The following DLG2 variants were observed in gnomAD, a reference collection of about 807,000 sequenced individuals.
DLG2 encodes the protein disks large homolog 2.
DLG2 carries 45 observed loss-of-function variants against 132.5 expected under a neutral mutation model. That is an observed-to-expected ratio of 0.34 (90% CI 0.27 to 0.44). DLG2 has a LOEUF of 0.44. Ranked by LOEUF, DLG2 falls within the 20% of genes least tolerant of loss-of-function variation. The probability of loss-of-function intolerance (pLI) is 1.00; values close to 1 mark genes in which losing one functional copy is unlikely to be tolerated. For synonymous variants in DLG2, 424 were observed against 419.6 expected (o/e 1.01, Z -0.13); for missense variants, 1,045 against 1,196.9 (o/e 0.87, Z 1.87).
chr11:84,162,178 T>C (rs2095560931), intron 9 of DLG2, among the ~76,000 whole-genome samples: 1 of 152,108 alleles, frequency 6.6e-6, no homozygotes, highest in Admixed American at 6.6e-5. Flanking sequence ...GTGGTATGCG[T>C]TTATCATAGA....
At chr11:84,183,206 G>A (rs75583369) in intron 8 of DLG2, among the ~76,000 whole-genome samples, 1 of 152,110 alleles carries the variant, frequency 6.6e-6, no homozygotes, top group South Asian at 2.1e-4. Flanking sequence ...TTCCAGAAAA[G>A]AGAAGCACAA....
Position 85,278,547 on chromosome 11 carries a change from C to G in DLG2, c.186+6673G>C, listed in dbSNP as rs112067217. Among the ~76,000 whole-genome samples, 650 of 152,052 alleles carry G rather than the reference C, an allele frequency of 4.3e-3. 4 individuals carry two copies. Among genetic ancestry groups the G allele is most frequent in the African/African-American group, 0.015 (619 of 41,490 alleles). ...CCTGGGAGGTGGAGATTGCGGTGAG[C>G]CGAGATGGTTTCATTGCACTCCAGC... is the stretch of plus-strand genomic sequence containing the variant. On this transcript the variant is annotated intron_variant, in intron 4 of 27. Transcript: ENST00000376104.
At chr11:84,339,571 G>T (rs898161086) in intron 7 of DLG2, among the ~76,000 whole-genome samples, 1 of 152,102 alleles carries the variant, frequency 6.6e-6, no homozygotes, top group South Asian at 2.1e-4. Context: ...CAAGTCTTAT[G>T]TCAACATCTC....
At position 85,017,917 on chromosome 11, in the gene DLG2, C is replaced by G. The variant is rs188809409; in HGVS notation, c.357+93744G>C. Among the ~76,000 whole-genome samples the G allele has an allele frequency of 1.3e-4, 19 of 151,804 alleles. No individual in the cohort carries two copies. In the East Asian group the frequency reaches 3.7e-3, roughly 29 times the overall value. ...GAGTGCAAGGCTTTCTCAGTTATCT[C>G]TTAAAGTGAAGAAAAAACCACATAA... On this transcript the variant is annotated intron_variant, in intron 6 of 27. Coordinates refer to ENST00000376104, the MANE Select transcript of DLG2 (RefSeq NM_001142699.3).
intron 3 of DLG2, among the ~76,000 whole-genome samples, chr11:85,481,857 C>A (rs1266076555): frequency 6.6e-6 from 1 of 151,870 alleles, no homozygotes; most frequent in Non-Finnish European, 1.5e-5. Flanking sequence ...CAGTGCCAGA[C>A]CAGCCCCCTG....
chr11:84,878,360 T>C (rs775563785), intron 6 of DLG2, among the ~76,000 whole-genome samples: 4 of 152,116 alleles, frequency 2.6e-5, no homozygotes, highest in Non-Finnish European at 4.4e-5. Context: ...ATATACACCA[T>C]AGAATAGTAT....
chr11:83,836,405 C>T (rs898438435), intron 16 of DLG2, among the ~76,000 whole-genome samples: 1 of 152,126 alleles, frequency 6.6e-6, no homozygotes, highest in African/African-American at 2.4e-5. Flanking sequence ...CAACTGGGGC[C>T]TCTCTCAGCT....
At chr11:84,496,347 C>T (rs1440143779) in intron 7 of DLG2, among the ~76,000 whole-genome samples, 4 of 152,106 alleles carry the variant, frequency 2.6e-5, no homozygotes. Context: ...TGTGTGTTTT[C>T]AGAGAGACAA....
At chr11:83,947,741 T>A (rs2084406640) in intron 14 of DLG2, among the ~76,000 whole-genome samples, 1 of 152,220 alleles carries the variant, frequency 6.6e-6, no homozygotes, top group Admixed American at 6.5e-5. Context: ...AGAAGTTACA[T>A]AACTCATCCA....
intron 6 of DLG2, among the ~76,000 whole-genome samples, chr11:84,596,222 C>A (rs577792221): frequency 6.8e-6 from 1 of 146,224 alleles, no homozygotes; most frequent in African/African-American, 2.5e-5. Flanking sequence ...CTCTCTCTTT[C>A]TCTTGACGGA....
chr11:83,943,996 C>T (rs963548606), intron 14 of DLG2, among the ~76,000 whole-genome samples: 1 of 152,158 alleles, frequency 6.6e-6, no homozygotes, highest in Non-Finnish European at 1.5e-5. Context: ...AATCACCTGC[C>T]ATATGGTACA....
chr11:84,385,254 CAA>C (rs913536220), intron 7 of DLG2, among the ~76,000 whole-genome samples: 12 of 152,048 alleles, frequency 7.9e-5, no homozygotes, highest in African/African-American at 2.9e-4. Context: ...TAAAAAAAAT[CAA>C]AGAGGCATAC....
At chr11:84,542,260 G>C (rs944099944) in intron 6 of DLG2, among the ~76,000 whole-genome samples, 1 of 152,116 alleles carries the variant, frequency 6.6e-6, no homozygotes, top group Non-Finnish European at 1.5e-5. Context: ...TACTATCCAT[G>C]AACGCTTTGC....
Position 85,394,700 on chromosome 11 carries a change from A to G in DLG2, c.41-109335T>C, listed in dbSNP as rs552131150. Among the ~76,000 whole-genome samples, 19 of 152,322 alleles carry G rather than the reference A, an allele frequency of 1.2e-4. No homozygotes were observed. The East Asian group carries it at 3.1e-3, about 25-fold the overall frequency. On this transcript the variant is annotated intron_variant, in intron 3 of 27. Transcript: ENST00000376104. ...AGCCATTCAAGAATAAAATAAGGCA[A>G]TTTCCCTATTCTCACAATCTAGGGT...
chr11:85,488,756 A>T (rs1194416540), intron 3 of DLG2, among the ~76,000 whole-genome samples: 2 of 152,222 alleles, frequency 1.3e-5, no homozygotes, highest in Non-Finnish European at 2.9e-5. Flanking sequence ...ATCTAGCAAG[A>T]TTAATGTTCA....
intron 9 of DLG2, among the ~76,000 whole-genome samples, chr11:84,141,677 G>A (rs1166337833): frequency 6.6e-6 from 1 of 152,100 alleles, no homozygotes; most frequent in Admixed American, 6.6e-5. Flanking sequence ...TCTATTAGTG[G>A]CTGCAGGTGT....
chr11:83,485,636 C>T (rs1188345768), intron 21 of DLG2, among the ~76,000 whole-genome samples: 1 of 152,140 alleles, frequency 6.6e-6, no homozygotes, highest in Non-Finnish European at 1.5e-5. Context: ...TGTAGAGCAG[C>T]AAGGTGACCC....
intron 18 of DLG2, chr11:83,647,729 T>A (rs2153506364): frequency 6.6e-6 from 1 of 152,320 alleles, no homozygotes; most frequent in South Asian, 2.1e-4. Context: ...GACCTTAGAT[T>A]ATTTACCTAT....
At chr11:84,110,140 CAT>C (rs1442458424) in intron 9 of DLG2, among the ~76,000 whole-genome samples, 6 of 152,152 alleles carry the variant, frequency 3.9e-5, no homozygotes, top group Admixed American at 3.3e-4. Flanking sequence ...GCAGAAAACA[CAT>C]ATAGGAGGGT....
Sources: allele counts gnomAD v4.1 joint callset (sites outside exome capture counted in the v4.1 genomes callset), GRCh38; gene constraint gnomAD v4.1.1; transcripts MANE v1.5; gene names NCBI Gene and HGNC (gene_info 2026-07-23, HGNC 2026-07-21).